CDH4: variants seen among roughly 807,000 people sequenced by gnomAD.
CDH4 encodes the protein cadherin 4, also known as cadherin-4.
A neutral mutation model predicts 86.0 loss-of-function variants in CDH4; 33 were observed. That is an observed-to-expected ratio of 0.38 (90% CI 0.29 to 0.51). The LOEUF is 0.51. CDH4 is among the 20% of genes least tolerant of loss of function. The pLI, the probability that CDH4 is intolerant of heterozygous loss-of-function variation, is 0.86. For missense variants in CDH4, 1,114 were observed against 1,307.4 expected (o/e 0.85, Z 2.28); for synonymous variants, 555 against 549.4 (o/e 1.01, Z -0.14).
chr20:61,577,428 G>A (rs2086390657), intron 2 of CDH4, among the ~76,000 whole-genome samples: 1 of 152,248 alleles, frequency 6.6e-6, no homozygotes, highest in African/African-American at 2.4e-5. Flanking sequence ...GTTGAAGGAT[G>A]AGTGGATGTT....
chr20:61,882,307 A>G (rs1053797745), intron 7 of CDH4, among the ~76,000 whole-genome samples: 3 of 152,256 alleles, frequency 2.0e-5, no homozygotes, highest in African/African-American at 4.8e-5. Context: ...CTTAGGAGGA[A>G]GGAGCGGGGA....
intron 2 of CDH4, among the ~76,000 whole-genome samples, chr20:61,612,899 T>C (rs2086696090): frequency 6.6e-6 from 1 of 152,106 alleles, no homozygotes; most frequent in Non-Finnish European, 1.5e-5. Context: ...TTTCTCTGCC[T>C]AATGTCTACT....
At chr20:61,783,959 C>T (rs74644044) in intron 4 of CDH4, among the ~76,000 whole-genome samples, 3 of 9,140 alleles carry the variant, frequency 3.3e-4, no homozygotes, top group African/African-American at 1.4e-3. Flanking sequence ...CCCAGTTCCT[C>T]GGGACAGTTC....
chr20:61,365,298 A>G (rs2084805312), intron 2 of CDH4, among the ~76,000 whole-genome samples: 1 of 152,194 alleles, frequency 6.6e-6, no homozygotes, highest in Non-Finnish European at 1.5e-5. Context: ...CTAAGTAAGT[A>G]CAAAGATGTC....
At chr20:61,599,085 A>G (rs1182148664) in intron 2 of CDH4, among the ~76,000 whole-genome samples, 1 of 151,842 alleles carries the variant, frequency 6.6e-6, no homozygotes, top group Admixed American at 6.6e-5. Flanking sequence ...GGAAGTTCCC[A>G]CTCTCCTTTT....
At chr20:61,485,217 T>C (rs1407132420) in intron 2 of CDH4, among the ~76,000 whole-genome samples, 3 of 152,194 alleles carry the variant, frequency 2.0e-5, no homozygotes, top group East Asian at 3.9e-4. Context: ...CAATAGAGAA[T>C]TGTATTCCAT....
chr20:61,722,451 G>A (rs2088053045), intron 2 of CDH4, among the ~76,000 whole-genome samples: 1 of 152,174 alleles, frequency 6.6e-6, no homozygotes. Context: ...GAAGTTAGAG[G>A]CGACCACATG....
chr20:61,844,800 C>A lies in CDH4; in HGVS notation c.709C>A (p.Arg237=). 1 of 1,613,228 alleles carries A rather than the reference C, an allele frequency of 6.2e-7. No individual in the cohort carries two copies. The highest frequency in any genetic ancestry group is 8.5e-7 in the Non-Finnish European group (1 of 1,179,498). The change falls in exon 5 of 16, where the codon CGG becomes AGG. Residue 237 remains arginine (R), a synonymous_variant. Coordinates refer to ENST00000614565, the MANE Select transcript of CDH4 (RefSeq NM_001794.5). ...GATGTACGTCACAAGGCCCATGGAC[C>A]GGGAGGAGCACGCCTCTTACCACGT... ...GRMYVTRPMD[R]EEHASYHLRA... is the part of the protein sequence containing the mutation.
intron 2 of CDH4, among the ~76,000 whole-genome samples, chr20:61,416,238 G>A (rs539710714): frequency 1.3e-5 from 2 of 151,926 alleles, no homozygotes; most frequent in African/African-American, 2.4e-5. Context: ...CTGACCTCAT[G>A]ATCCACCCAC....
At chr20:61,258,969 G>T (rs1436345229) in intron 2 of CDH4, among the ~76,000 whole-genome samples, 10 of 152,216 alleles carry the variant, frequency 6.6e-5, no homozygotes, top group Admixed American at 5.9e-4. Context: ...CACTGGGAAT[G>T]CAGAGAATTG....
chr20:61,914,715 C>T (rs541866022), intron 9 of CDH4, among the ~76,000 whole-genome samples: 1 of 152,304 alleles, frequency 6.6e-6, no homozygotes, highest in South Asian at 2.1e-4. Context: ...CCACTCCACA[C>T]CCACAGGCGG....
chr20:61,731,847 G>A (rs112458226), intron 2 of CDH4, among the ~76,000 whole-genome samples: 1 of 152,172 alleles, frequency 6.6e-6, no homozygotes, highest in Admixed American at 6.5e-5. Flanking sequence ...GGACTCGGGG[G>A]CTGCACAGCC....
At chr20:61,355,395 G>A (rs1311949278) in intron 2 of CDH4, among the ~76,000 whole-genome samples, 5 of 152,132 alleles carry the variant, frequency 3.3e-5, no homozygotes, top group Non-Finnish European at 5.9e-5. Flanking sequence ...CAGTGACCTC[G>A]GCAGGACTGA....
At position 61,807,436 on chromosome 20, in the gene CDH4, T is replaced by C. The variant is rs1292047646; in HGVS notation, c.576+34254T>C. ...GTCTGGGTACCTAAATGTCGGAATT[T>C]GAGGCTATTCAAGTTCAATGTGTTG... On this transcript the variant is annotated intron_variant, in intron 4 of 15. Coordinates refer to ENST00000614565, the MANE Select transcript of CDH4 (RefSeq NM_001794.5). The surrounding 1 kb of genome is among the most constrained non-coding windows in gnomAD (Gnocchi z 4.5). Among the ~76,000 whole-genome samples the C allele has an allele frequency of 6.6e-6, 1 of 152,214 alleles. No homozygotes were observed. The highest frequency in any genetic ancestry group is 1.9e-4 in the East Asian group (1 of 5,186).
intron 2 of CDH4, among the ~76,000 whole-genome samples, chr20:61,352,672 C>T (rs191722175): frequency 5.3e-5 from 8 of 152,286 alleles, no homozygotes; most frequent in East Asian, 3.9e-4. Context: ...GTATATTTCT[C>T]CTTGGATGGA....
chr20:61,330,150 G>A (rs1304393879), intron 2 of CDH4, among the ~76,000 whole-genome samples: 3 of 152,038 alleles, frequency 2.0e-5, no homozygotes, highest in Admixed American at 1.3e-4. Context: ...ATGAACATAC[G>A]CGTGCATGTA....
rs1210255101 is a variant in CDH4, at chr20:61,810,572, G to A, written c.577-34096G>A. On this transcript the variant is annotated intron_variant, in intron 4 of 15. Transcript: ENST00000614565. The surrounding 1 kb of genome is among the most constrained non-coding windows in gnomAD (Gnocchi z 4.3). ...GAAGCCCGAGAGAGCCCCAGCCCGT[G>A]TGCCCGCCTCACCCTGCCTCCTGCC... 1.3e-5 allele frequency among the ~76,000 whole-genome samples: 2 copies of A among 152,106 alleles called. No homozygotes were observed. Among genetic ancestry groups the A allele is most frequent in the African/African-American group, 4.8e-5 (2 of 41,420 alleles).
At chr20:61,553,404 A>G (rs1308352227) in intron 2 of CDH4, among the ~76,000 whole-genome samples, 1 of 152,238 alleles carries the variant, frequency 6.6e-6, no homozygotes, top group African/African-American at 2.4e-5. Context: ...ACATTGAATT[A>G]TCCACCTAAA....
At position 61,708,007 on chromosome 20, in the gene CDH4, G is replaced by A. The variant is rs749646476; in HGVS notation, c.170-35556G>A. 2.2e-4 allele frequency among the ~76,000 whole-genome samples: 33 copies of A among 152,196 alleles called. No individual in the cohort carries two copies. The highest frequency in any genetic ancestry group is 1.9e-4 in the Non-Finnish European group (13 of 68,026). On this transcript the variant is annotated intron_variant, in intron 2 of 15. Coordinates refer to ENST00000614565, the MANE Select transcript of CDH4 (RefSeq NM_001794.5). This position sits in a 1 kb window ranked among gnomAD's most constrained non-coding sequence, Gnocchi z 4.5. Reference sequence around the variant, plus strand: ...CCACCAGGCTTTGGAGGGAGAGACAGTGGAGTTTGCATCCACCAGTGCTGA... The same window carrying A: ...CCACCAGGCTTTGGAGGGAGAGACAATGGAGTTTGCATCCACCAGTGCTGA...
Sources: gnomAD v4.1 joint callset for allele counts (sites outside exome capture counted in the v4.1 genomes callset) on GRCh38, gnomAD v4.1.1 for gene constraint, Gnocchi (gnomAD v3.1) non-coding constraint, MANE v1.5 for transcripts, NCBI Gene and HGNC (gene_info 2026-07-23, HGNC 2026-07-21) for gene names.